The following NCAM1 variants were observed in gnomAD, a reference collection of about 807,000 sequenced individuals.
NCAM1 encodes the protein neural cell adhesion molecule 1.
NCAM1 carries 14 observed loss-of-function variants against 109.8 expected under a neutral mutation model. That is an observed-to-expected ratio of 0.13 (90% CI 0.08 to 0.20). The LOEUF (loss-of-function observed/expected upper bound fraction) is 0.20, where lower values mean the gene tolerates loss of function less well. Ranked by LOEUF, NCAM1 falls within the 10% of genes least tolerant of loss-of-function variation. The pLI is 1.00. For missense variants in NCAM1, 774 were observed against 1,109.9 expected, an observed-to-expected ratio of 0.70 and a Z score of 4.30; for synonymous variants, 418 against 442.9, an observed-to-expected ratio of 0.94 and a Z score of 0.70.
chr11:113,015,039 C>T (rs1555075070), intron 1 of NCAM1, among the ~76,000 whole-genome samples: 1 of 152,210 alleles, frequency 6.6e-6, no homozygotes, highest in African/African-American at 2.4e-5. Context: ...AGTCTCCACC[C>T]CCTCACCATT....
At chr11:113,163,987 C>T (rs1942692902) in intron 1 of NCAM1, among the ~76,000 whole-genome samples, 1 of 152,128 alleles carries the variant, frequency 6.6e-6, no homozygotes, top group Admixed American at 6.5e-5. Flanking sequence ...CCCAGATGGC[C>T]ACTGAATGGG....
exon 20 of NCAM1, chr11:113,278,434 C>CTATT (rs1192184127): frequency 6.6e-6 from 1 of 152,154 alleles, no homozygotes; most frequent in Non-Finnish European, 1.5e-5. Context: ...AAGAAAAAAG[C>CTATT]TATTATGATC....
intron 8 of NCAM1, among the ~76,000 whole-genome samples, chr11:113,216,145 C>CTTTT (rs1555114341): frequency 9.8e-6 from 1 of 102,436 alleles, no homozygotes; most frequent in South Asian, 3.4e-4. Flanking sequence ...GCTATGATTT[C>CTTTT]ATTTTTTTTT....
At chr11:113,230,304 A>T (rs1555116965) in intron 9 of NCAM1, among the ~76,000 whole-genome samples, 1 of 152,210 alleles carries the variant, frequency 6.6e-6, no homozygotes, top group African/African-American at 2.4e-5. Flanking sequence ...AGGATCAGAG[A>T]ACTCATCCCA....
intron 1 of NCAM1, among the ~76,000 whole-genome samples, chr11:112,971,109 TAAGA>T (rs782079815): frequency 6.6e-6 from 1 of 151,874 alleles, no homozygotes; most frequent in Non-Finnish European, 1.5e-5. Flanking sequence ...CCATATATAT[TAAGA>T]AAGAAGTAAG....
chr11:113,275,229 C>T (rs782708501), intron 19 of NCAM1, 38 bp from the exon 20 acceptor site: 9 of 1,611,384 alleles, frequency 5.6e-6, no homozygotes, highest in African/African-American at 1.3e-5. Flanking sequence ...GTCTGCAGAC[C>T]GTGGTCTCAG....
In NCAM1 at chr11:113,268,427, G is replaced by A. The variant is rs184887752; in HGVS notation, c.2132-1761G>A. Among the ~76,000 whole-genome samples, 4 of 152,336 alleles carry A rather than the reference G, an allele frequency of 2.6e-5. No individual in the cohort carries two copies. In the East Asian group the frequency reaches 7.7e-4, roughly 29 times the overall value. On this transcript the variant is annotated intron_variant, in intron 17 of 19. Coordinates refer to ENST00000316851, the MANE Select transcript of NCAM1 (RefSeq NM_181351.5). Reference sequence around the variant, plus strand: ...TAGGATCTTCAGTGCGAGGTCAGCAGGGACCAGCCAGAGAGCCTGAGGAGG... The same window carrying A: ...TAGGATCTTCAGTGCGAGGTCAGCAAGGACCAGCCAGAGAGCCTGAGGAGG...
chr11:113,046,324 G>C (rs1431666910), intron 1 of NCAM1, among the ~76,000 whole-genome samples: 1 of 152,176 alleles, frequency 6.6e-6, no homozygotes, highest in Non-Finnish European at 1.5e-5. Context: ...AGAGAGGAGG[G>C]TGGGCTTTGA....
chr11:113,257,941 A>G (rs1436558367), intron 16 of NCAM1, among the ~76,000 whole-genome samples: 1 of 152,232 alleles, frequency 6.6e-6, no homozygotes, highest in East Asian at 1.9e-4. Flanking sequence ...CCCTTCCAGC[A>G]CCACTGGCAT....
chr11:113,157,404 G>A (rs1297857214), intron 1 of NCAM1, among the ~76,000 whole-genome samples: 3 of 152,084 alleles, frequency 2.0e-5, no homozygotes. Context: ...CTTTGTATTG[G>A]TTCTATTTGG....
At chr11:113,030,140 A>G (rs1952671549) in intron 1 of NCAM1, among the ~76,000 whole-genome samples, 1 of 152,254 alleles carries the variant, frequency 6.6e-6, no homozygotes, top group South Asian at 2.1e-4. Flanking sequence ...TTTCTGACAC[A>G]GATATGAGTA....
intron 15 of NCAM1, among the ~76,000 whole-genome samples, chr11:113,248,012 T>C (rs536764497): frequency 6.6e-6 from 1 of 152,316 alleles, no homozygotes; most frequent in South Asian, 2.1e-4. Context: ...CATTTCTTTT[T>C]TTAAAACAAG....
intron 1 of NCAM1, among the ~76,000 whole-genome samples, chr11:113,093,657 A>T (rs1220376046): frequency 6.6e-6 from 1 of 152,210 alleles, no homozygotes; most frequent in Non-Finnish European, 1.5e-5. Context: ...TTAGGAGCAG[A>T]TTTAGTGGAA....
At chr11:113,025,521 A>G (rs1393673239) in intron 1 of NCAM1, among the ~76,000 whole-genome samples, 8 of 152,154 alleles carry the variant, frequency 5.3e-5, no homozygotes, top group African/African-American at 1.4e-4. Context: ...GAATGAATGA[A>G]TGAATAAGAT....
Position 113,187,563 on chromosome 11 carries a change from CTGTGTGTG to C in NCAM1, c.53-14796_53-14789del, listed in dbSNP as rs33947463. Among the ~76,000 whole-genome samples, 6 of 147,240 alleles carry C rather than the reference CTGTGTGTG, an allele frequency of 4.1e-5. No homozygotes were observed. The South Asian group carries it at 1.1e-3, about 27-fold the overall frequency. On this transcript the variant is annotated intron_variant, in intron 1 of 19. Coordinates refer to ENST00000316851, the MANE Select transcript of NCAM1 (RefSeq NM_181351.5). ...GATCTGTGTGTGTGTGTGTGTGTTT[CTGTGTGTG>C]TGTGTGTGTGTGTGTGTGTTTTGGC... is the stretch of plus-strand genomic sequence containing the variant.
intron 1 of NCAM1, among the ~76,000 whole-genome samples, chr11:113,024,850 T>TA (rs1591258941): frequency 1.3e-5 from 2 of 152,148 alleles, no homozygotes; most frequent in African/African-American, 4.8e-5. Flanking sequence ...ACTCACTGCT[T>TA]AAAAAAATGT....
chr11:113,274,514 T>C lies in NCAM1; in HGVS notation c.2457-753T>C, dbSNP rs1404546593. ...ACCTAGATTTTTATAGAGGCTCCTA[T>C]GGCTGCTCCCCAGATAAGCTGCCAT... On this transcript the variant is annotated intron_variant, in intron 19 of 19. Transcript: ENST00000316851. The surrounding 1 kb of genome is among the most constrained non-coding windows in gnomAD (Gnocchi z 4.1). Among the ~76,000 whole-genome samples, 4 of 152,210 alleles carry C rather than the reference T, an allele frequency of 2.6e-5. No individual in the cohort carries two copies. The highest frequency in any genetic ancestry group is 4.8e-5 in the African/African-American group (2 of 41,458).
intron 1 of NCAM1, chr11:113,197,338 A>C (rs1029410215): frequency 6.4e-6 from 1 of 155,116 alleles, no homozygotes; most frequent in South Asian, 1.9e-4. Flanking sequence ...AGACCTTAGC[A>C]TTCAGTTATA....
intron 14 of NCAM1, among the ~76,000 whole-genome samples, chr11:113,241,339 G>A (rs915530958): frequency 6.6e-6 from 1 of 152,192 alleles, no homozygotes; most frequent in East Asian, 1.9e-4. Flanking sequence ...AAATATTTGT[G>A]GGAAAATAAA....
Sources: gnomAD v4.1 joint callset for allele counts (sites outside exome capture counted in the v4.1 genomes callset) on GRCh38, gnomAD v4.1.1 for gene constraint, Gnocchi (gnomAD v3.1) non-coding constraint, MANE v1.5 for transcripts, NCBI Gene and HGNC (gene_info 2026-07-23, HGNC 2026-07-21) for gene names.